The following ATRNL1 variants were observed in gnomAD, a reference collection of about 807,000 sequenced individuals.
ATRNL1 encodes the protein attractin like 1.
Under a neutral mutation model 182.7 loss-of-function variants are expected in ATRNL1, and 95 were observed. The observed-to-expected ratio is 0.52, with a 90% CI of 0.44 to 0.62. ATRNL1 has a LOEUF of 0.62. Among genes scored for constraint, ATRNL1 ranks in the 20% least tolerant of loss-of-function variants. ATRNL1 has a pLI of 0.00. For synonymous variants in ATRNL1, 576 were observed against 568.3 expected (o/e 1.01, Z -0.19); for missense variants, 1,471 against 1,679.5 (o/e 0.88, Z 2.17).
intron 8 of ATRNL1, among the ~76,000 whole-genome samples, chr10:115,205,934 T>G (rs957887053): frequency 1.3e-5 from 2 of 152,118 alleles, no homozygotes; most frequent in Non-Finnish European, 2.9e-5. Flanking sequence ...TATTTCCTCA[T>G]TCCAAGTTGC....
In ATRNL1 at chr10:115,099,483, T is replaced by G. The variant is rs181591722; in HGVS notation, c.293+5440T>G. Among the ~76,000 whole-genome samples the G allele has an allele frequency of 8.5e-5, 13 of 152,338 alleles. No homozygotes were observed. In the East Asian group the frequency reaches 2.5e-3, roughly 29 times the overall value. ...AATGGCTGGATCATATGGGTAGATATATGTGTAACTGTTAAAGAAACCGAC... is the reference window on the plus strand; with the variant it reads ...AATGGCTGGATCATATGGGTAGATAGATGTGTAACTGTTAAAGAAACCGAC... On this transcript the variant is annotated intron_variant, in intron 1 of 28. Coordinates refer to ENST00000355044, the MANE Select transcript of ATRNL1 (RefSeq NM_207303.4).
chr10:115,846,975 C>T (rs1950943150), intron 27 of ATRNL1, among the ~76,000 whole-genome samples: 2 of 151,952 alleles, frequency 1.3e-5, no homozygotes, highest in South Asian at 2.1e-4. Context: ...GAACACCTAA[C>T]CCATAGTAAC....
At chr10:115,905,272 G>A (rs1451592206) in intron 28 of ATRNL1, among the ~76,000 whole-genome samples, 3 of 152,076 alleles carry the variant, frequency 2.0e-5, no homozygotes, top group African/African-American at 4.8e-5. Context: ...CCAGGATAGA[G>A]TACAGTGGTG....
chr10:115,622,333 C>G (rs1857821149), intron 26 of ATRNL1, among the ~76,000 whole-genome samples: 1 of 152,144 alleles, frequency 6.6e-6, no homozygotes, highest in Non-Finnish European at 1.5e-5. Context: ...GGAGTCCATA[C>G]CAGTTCATTA....
intron 9 of ATRNL1, among the ~76,000 whole-genome samples, chr10:115,218,104 T>C (rs965193721): frequency 6.6e-6 from 1 of 151,948 alleles, no homozygotes; most frequent in Non-Finnish European, 1.5e-5. Context: ...CATTATAATA[T>C]ATAATGAAAC....
At chr10:115,851,241 C>T (rs1310884211) in intron 28 of ATRNL1, among the ~76,000 whole-genome samples, 1 of 152,108 alleles carries the variant, frequency 6.6e-6, no homozygotes, top group Non-Finnish European at 1.5e-5. Context: ...TCTGCAAAGG[C>T]AGAAGCATCC....
intron 6 of ATRNL1, among the ~76,000 whole-genome samples, chr10:115,160,671 T>G (rs1393160078): frequency 6.6e-6 from 1 of 151,954 alleles, no homozygotes; most frequent in Non-Finnish European, 1.5e-5. Context: ...AGAGAGATGA[T>G]TGATTTACTG....
At chr10:115,132,433 T>C (rs1845292940) in intron 5 of ATRNL1, among the ~76,000 whole-genome samples, 1 of 152,192 alleles carries the variant, frequency 6.6e-6, no homozygotes, top group Non-Finnish European at 1.5e-5. Flanking sequence ...TATAATCCTT[T>C]GGGTATATAC....
intron 24 of ATRNL1, among the ~76,000 whole-genome samples, chr10:115,482,138 T>A (rs1305809809): frequency 6.6e-6 from 1 of 151,064 alleles, no homozygotes; most frequent in Non-Finnish European, 1.5e-5. Flanking sequence ...ATATGTGACT[T>A]AAGATTATAC....
At chr10:115,296,024 A>G (rs1853168390) in intron 15 of ATRNL1, among the ~76,000 whole-genome samples, 1 of 152,110 alleles carries the variant, frequency 6.6e-6, no homozygotes. Context: ...TGTATTCTTA[A>G]TTGAGGGCAA....
rs192256157 is a variant in ATRNL1 at position 115,916,651 on chromosome 10, T to G, written c.4019-28007T>G. ...GTAATCCCACGTGCATTAGAATTCA[T>G]GAAAGTCTTATTTGAATATTTCTTT... On this transcript the variant is annotated intron_variant, in intron 28 of 28. Transcript: ENST00000355044. Among the ~76,000 whole-genome samples the G allele has an allele frequency of 2.6e-4, 40 of 152,348 alleles. 1 individual carries two copies. The East Asian group carries it at 6.6e-3, about 25-fold the overall frequency.
At chr10:115,711,071 G>C (rs992887) in intron 26 of ATRNL1, among the ~76,000 whole-genome samples, 4,849 of 152,098 alleles carry the variant, frequency 0.032, 285 homozygotes, top group African/African-American at 0.11. Context: ...CCAATAATTA[G>C]CACTCTTTTC....
At chr10:115,167,313 A>C (rs1847092088) in intron 7 of ATRNL1, among the ~76,000 whole-genome samples, 1 of 151,874 alleles carries the variant, frequency 6.6e-6, no homozygotes, top group Admixed American at 6.6e-5. Flanking sequence ...CTTTTTAATA[A>C]GTTTTGAAGT....
chr10:115,539,111 A>G (rs555599445), intron 25 of ATRNL1, among the ~76,000 whole-genome samples: 24 of 152,320 alleles, frequency 1.6e-4, no homozygotes, highest in African/African-American at 4.6e-4. Flanking sequence ...TTCTTAGAAC[A>G]TATCCCCATT....
chr10:115,538,718 C>A (rs998458876), intron 25 of ATRNL1, among the ~76,000 whole-genome samples: 1 of 152,052 alleles, frequency 6.6e-6, no homozygotes, highest in South Asian at 2.1e-4. Context: ...CAATTTAATG[C>A]ATTTTTTTAA....
intron 19 of ATRNL1, among the ~76,000 whole-genome samples, chr10:115,391,020 C>T (rs1371883395): frequency 6.6e-6 from 1 of 152,098 alleles, no homozygotes; most frequent in Non-Finnish European, 1.5e-5. Context: ...TACTGAACTT[C>T]TGTATCAGTT....
chr10:115,223,929 A>ATATATATATATATATATATATT (rs1420143943), intron 9 of ATRNL1, among the ~76,000 whole-genome samples: 2 of 44,714 alleles, frequency 4.5e-5, no homozygotes, highest in African/African-American at 1.8e-4. Flanking sequence ...ATATATATAT[A>ATATATATATATATATATATATT]TTTTTTTTTT....
chr10:115,364,699 T>C (rs561321114), intron 19 of ATRNL1, among the ~76,000 whole-genome samples: 4,071 of 151,880 alleles, frequency 0.027, 273 homozygotes, highest in African/African-American at 0.095. Flanking sequence ...ATCCCATCAA[T>C]ACCTAATTTA....
chr10:115,889,083 C>T (rs538127180), intron 28 of ATRNL1, among the ~76,000 whole-genome samples: 1 of 152,292 alleles, frequency 6.6e-6, no homozygotes, highest in Admixed American at 6.5e-5. Context: ...TTTCAGAACA[C>T]TAAAGTATTC....
Sources: allele counts gnomAD v4.1 joint callset (sites outside exome capture counted in the v4.1 genomes callset), GRCh38; gene constraint gnomAD v4.1.1; transcripts MANE v1.5; gene names NCBI Gene and HGNC (gene_info 2026-07-23, HGNC 2026-07-21).